LCOR: variants seen among roughly 807,000 people sequenced by gnomAD.
LCOR encodes ligand dependent nuclear receptor corepressor, also known as ligand-dependent corepressor.
LCOR carries 14 observed loss-of-function variants against 64.4 expected under a neutral mutation model. The observed-to-expected ratio is 0.22, with a 90% confidence interval of 0.14 to 0.34. The LOEUF (loss-of-function observed/expected upper bound fraction) is 0.34. Among genes scored for constraint, LCOR ranks in the 10% least tolerant of loss-of-function variants. The pLI is 1.00. For synonymous variants in LCOR, 643 were observed against 642.5 expected, an observed-to-expected ratio of 1.00 and a Z score of -0.01; for missense variants, 1,686 against 1,765.3, an observed-to-expected ratio of 0.96 and a Z score of 0.80.
At position 96,879,734 on chromosome 10, in the gene LCOR, G is replaced by A. The variant is rs977635965; in HGVS notation, c.-329-27531G>A. Among the ~76,000 whole-genome samples the A allele has an allele frequency of 2.0e-5, 3 of 152,176 alleles. No homozygotes were observed. The South Asian group carries it at 6.2e-4, about 32-fold the overall frequency. On this transcript the variant is annotated intron_variant, in intron 2 of 7. Transcript: ENST00000421806. ...CTGGAGTGCAGTGCGCGACGTTGGC[G>A]CACTGCAACCTCTGCTTCCTGGGTT...
intron 2 of LCOR, among the ~76,000 whole-genome samples, chr10:96,856,801 T>TA (rs962754919): frequency 6.6e-6 from 1 of 151,036 alleles, no homozygotes; most frequent in African/African-American, 2.4e-5. Context: ...TCTAGAAAGA[T>TA]ACCTCCGTAA....
intron 5 of LCOR, among the ~76,000 whole-genome samples, chr10:96,947,159 T>C (rs905562524): frequency 6.6e-5 from 10 of 152,104 alleles, no homozygotes; most frequent in African/African-American, 2.4e-4. Context: ...TGTAGCAACT[T>C]CTGAACCTTA....
chr10:96,983,759 A>T lies in LCOR; in HGVS notation c.3299A>T (p.Glu1100Val), dbSNP rs768640337. 1.2e-6 allele frequency: 2 copies of T among 1,614,198 alleles called. No homozygotes were observed. The highest frequency in any genetic ancestry group is 2.2e-5 in the South Asian group (2 of 91,076). Residue 1100 changes from glutamate (E) to valine (V), a missense_variant, in exon 8 of 8, where the codon GAA (glutamate) becomes GTA (valine). Glu to Val is a moderately radical substitution (Grantham distance 121). Around this residue, in one of 3 missense-constraint regions of LCOR, gnomAD observed 1,293 missense variants for 1,410.4 expected, o/e 0.92. Transcript: ENST00000421806. This position sits in a 1 kb window ranked among gnomAD's most constrained non-coding sequence, Gnocchi z 4.5. ...TVVDEQPKFMEWCAEEENQEL... is the reference protein window; with the variant it reads ...TVVDEQPKFMVWCAEEENQEL... ...GTAGATGAACAGCCAAAGTTTATGG[A>T]ATGGTGTGCTGAGGAGGAGAACCAA... is the stretch of plus-strand genomic sequence containing the variant.
intron 2 of LCOR, among the ~76,000 whole-genome samples, chr10:96,869,374 A>G (rs575929987): frequency 1.3e-5 from 2 of 152,006 alleles, no homozygotes; most frequent in South Asian, 4.2e-4. Context: ...TACCACGGCC[A>G]GCTAATTTTT....
chr10:96,869,764 AG>A (rs1846040011), intron 2 of LCOR, among the ~76,000 whole-genome samples: 1 of 151,466 alleles, frequency 6.6e-6, no homozygotes, highest in South Asian at 2.1e-4. Flanking sequence ...TAGTAGAGAC[AG>A]GGTTTCTCCA....
intron 2 of LCOR, among the ~76,000 whole-genome samples, chr10:96,865,500 GT>G (rs1043756276): frequency 6.6e-6 from 1 of 151,644 alleles, no homozygotes; most frequent in African/African-American, 2.4e-5. Context: ...TTTTTATCGT[GT>G]TTAATTGAGA....
chr10:96,874,185 T>A (rs4532970), intron 2 of LCOR, among the ~76,000 whole-genome samples: 94,269 of 152,204 alleles, frequency 0.62, 34,765 homozygotes, highest in Non-Finnish European at 0.82. Flanking sequence ...TCAATATGCT[T>A]GTAAGTTGTC....
chr10:96,927,955 G>A (rs1303040277), intron 4 of LCOR, among the ~76,000 whole-genome samples: 1 of 152,150 alleles, frequency 6.6e-6, no homozygotes, highest in Non-Finnish European at 1.5e-5. Context: ...TATATATAAA[G>A]AAACAATGTA....
At chr10:96,887,696 T>TA (rs1429895902) in intron 2 of LCOR, among the ~76,000 whole-genome samples, 1 of 148,724 alleles carries the variant, frequency 6.7e-6, no homozygotes, top group Non-Finnish European at 1.5e-5. Flanking sequence ...TTTTTTTTTT[T>TA]AATTGAGACG....
chr10:96,926,601 T>C (rs1406424879), intron 4 of LCOR, among the ~76,000 whole-genome samples: 3 of 152,066 alleles, frequency 2.0e-5, no homozygotes, highest in African/African-American at 7.2e-5. Flanking sequence ...ATCCAAAGAG[T>C]ACATTTGGAT....
intron 2 of LCOR, among the ~76,000 whole-genome samples, chr10:96,882,491 A>G (rs12268272): frequency 0.14 from 22,001 of 152,104 alleles, 2,161 homozygotes; most frequent in African/African-American, 0.27. Flanking sequence ...TAGTGTTCCT[A>G]TATACCCCTT....
rs563431687 is a variant in LCOR at position 96,987,152 on chromosome 10, C to G, written c.*2018C>G. ...ACTGCTGAGTGTGTATGTTGGCAACCCTTTCTCAGCATTAAGTTGCACAGA... is the reference window on the plus strand; with the variant it reads ...ACTGCTGAGTGTGTATGTTGGCAACGCTTTCTCAGCATTAAGTTGCACAGA... On this transcript the variant is annotated 3_prime_UTR_variant, in exon 8 of 8. Coordinates refer to ENST00000421806, the MANE Select transcript of LCOR (RefSeq NM_001346516.2). The G allele has an allele frequency of 5.5e-4, 83 of 152,048 alleles. No individual in the cohort carries two copies. The highest frequency in any genetic ancestry group is 1.1e-3 in the Non-Finnish European group (73 of 68,026). 9.4% of individuals were successfully genotyped at this position (152,048 alleles called of 1,614,324 possible).
At position 96,983,103 on chromosome 10, in the gene LCOR, G is replaced by A. The variant is rs753661849; in HGVS notation, c.2643G>A (p.Glu881=). 7.7e-5 allele frequency: 124 copies of A among 1,613,552 alleles called. No individual in the cohort carries two copies. Among genetic ancestry groups the A allele is most frequent in the Non-Finnish European group, 5.2e-5 (61 of 1,179,668 alleles). The change falls in exon 8 of 8, where the codon GAG becomes GAA. Residue 881 remains glutamate, a synonymous_variant. Coordinates refer to ENST00000421806, the MANE Select transcript of LCOR (RefSeq NM_001346516.2). The surrounding 1 kb of genome is among the most constrained non-coding windows in gnomAD (Gnocchi z 4.5). The part of the protein sequence containing the change: ...LPDSFHTETL[E]DTEKPSVNER... ...ACAGTTTCCACACGGAAACTCTGGA[G>A]GACACAGAAAAGCCAAGTGTCAATG...
intron 4 of LCOR, among the ~76,000 whole-genome samples, chr10:96,925,266 G>A (rs1468321730): frequency 1.1e-4 from 17 of 152,032 alleles, no homozygotes; most frequent in Admixed American, 1.1e-3. Flanking sequence ...AGTAGAGACA[G>A]GGTTTCACCA....
chr10:96,881,364 G>A (rs1354940727), intron 2 of LCOR, among the ~76,000 whole-genome samples: 2 of 152,200 alleles, frequency 1.3e-5, no homozygotes, highest in South Asian at 4.1e-4. Flanking sequence ...TACTTAATAT[G>A]TAATATAAAA....
rs1042114943 is a variant in LCOR, at chr10:96,936,039, C to T, written c.-183-8074C>T. On this transcript the variant is annotated intron_variant, in intron 4 of 7. Transcript: ENST00000421806. ...TTGATTCATGAATCGGGCAGCCTCC[C>T]GAGCCACAGTAGGCTCTGAGATTCC... Among the ~76,000 whole-genome samples the T allele has an allele frequency of 4.6e-5, 7 of 152,232 alleles. No individual in the cohort carries two copies. The South Asian group carries it at 6.2e-4, about 14-fold the overall frequency.
At chr10:96,980,683 C>T (rs1336084414) in intron 7 of LCOR, 110 bp from the exon 8 acceptor site, 2 of 591,264 alleles carry the variant, frequency 3.4e-6, no homozygotes, top group Non-Finnish European at 6.0e-6. Context: ...CCTGTATCTA[C>T]AAAAAATAAA....
chr10:96,922,971 G>A (rs1326799941), intron 4 of LCOR, among the ~76,000 whole-genome samples: 2 of 152,126 alleles, frequency 1.3e-5, no homozygotes, highest in Admixed American at 1.3e-4. Context: ...AACAGTCAGT[G>A]GTAACGTTGA....
chr10:96,903,297 A>G (rs1441092261), intron 2 of LCOR, among the ~76,000 whole-genome samples: 2 of 152,192 alleles, frequency 1.3e-5, no homozygotes, highest in East Asian at 1.9e-4. Context: ...GCAGTCCAAC[A>G]TTACAATGGC....
Sources: allele counts gnomAD v4.1 joint callset (sites outside exome capture counted in the v4.1 genomes callset), GRCh38; gene constraint gnomAD v4.1.1; regional missense constraint gnomAD v4.1.1; non-coding constraint Gnocchi (gnomAD v3.1); transcripts MANE v1.5; gene names NCBI Gene and HGNC (gene_info 2026-07-23, HGNC 2026-07-21).